LRP2: variants seen among roughly 807,000 people sequenced by gnomAD.
The protein encoded by LRP2 is LDL receptor related protein 2.
LRP2 carries 172 observed loss-of-function variants against 531.0 expected under a neutral mutation model. The observed-to-expected ratio is 0.32, with a 90% CI of 0.29 to 0.37. The LOEUF (loss-of-function observed/expected upper bound fraction) is 0.37. LRP2 is among the 10% of genes least tolerant of loss of function. The pLI, the probability that LRP2 is intolerant of heterozygous loss-of-function variation, is 1.00. For missense variants in LRP2, 5,167 were observed against 5,868.3 expected (o/e 0.88, Z 3.90); for synonymous variants, 1,992 against 2,027.6 (o/e 0.98, Z 0.47).
At chr2:169,159,126 G>T (rs577201815) in intron 63 of LRP2, among the ~76,000 whole-genome samples, 2 of 152,244 alleles carry the variant, frequency 1.3e-5, no homozygotes, top group East Asian at 3.9e-4. Flanking sequence ...TAGATAGTGA[G>T]TGATAATGGG....
At chr2:169,351,529 A>C (rs922562847) in intron 1 of LRP2, among the ~76,000 whole-genome samples, 1 of 152,222 alleles carries the variant, frequency 6.6e-6, no homozygotes, top group African/African-American at 2.4e-5. Flanking sequence ...TATAAGACGA[A>C]GTTCAAATGA....
intron 1 of LRP2, among the ~76,000 whole-genome samples, chr2:169,347,115 C>T (rs1685715305): frequency 6.6e-6 from 1 of 152,216 alleles, no homozygotes; most frequent in African/African-American, 2.4e-5. Flanking sequence ...AGCTTTGTGT[C>T]TCCTTCTCTC....
At chr2:169,133,910 G>C (rs1216020392) in intron 76 of LRP2, among the ~76,000 whole-genome samples, 5 of 152,162 alleles carry the variant, frequency 3.3e-5, no homozygotes, top group Admixed American at 2.6e-4. Flanking sequence ...CTGCTGCAAA[G>C]CTTCACAGAC....
intron 50 of LRP2, 28 bp downstream of exon 50, chr2:169,185,473 CTT>C: frequency 6.2e-7 from 1 of 1,608,514 alleles, no homozygotes; most frequent in Non-Finnish European, 8.5e-7. Context: ...TAATTTTTAA[CTT>C]TTAAAAAGCT....
chr2:169,326,641 G>A (rs1232823771), intron 1 of LRP2, among the ~76,000 whole-genome samples: 4 of 152,060 alleles, frequency 2.6e-5, no homozygotes, highest in Non-Finnish European at 5.9e-5. Context: ...CCACCACCCC[G>A]TCTGGGAAGT....
At chr2:169,221,686 G>A (rs72876240) in intron 33 of LRP2, among the ~76,000 whole-genome samples, 7 of 151,194 alleles carry the variant, frequency 4.6e-5, no homozygotes, top group East Asian at 1.9e-4. Context: ...GCATTCACAC[G>A]CACACATACA....
chr2:169,220,393 G>C, intron 34 of LRP2, 61 bp downstream of exon 34: 4 of 1,235,828 alleles, frequency 3.2e-6, no homozygotes, highest in Non-Finnish European at 4.8e-6. Context: ...CATTTTGTCA[G>C]ACCCTGACAT....
chr2:169,160,685 A>AAAAAAAAAAAAAAAAAACAAAAAC (rs970862922), intron 63 of LRP2, among the ~76,000 whole-genome samples: 1 of 94,234 alleles, frequency 1.1e-5, no homozygotes, highest in Non-Finnish European at 2.2e-5. Flanking sequence ...ATTTCCTTAA[A>AAAAAAAAAAAAAAAAAACAAAAAC]AAAAAAAAAA....
chr2:169,294,413 CA>C lies in LRP2; in HGVS notation c.539-153del, dbSNP rs1249382963. The stretch of plus-strand genomic sequence containing the variant: ...TGTTTAAGAACCAGTTATCCAGGAA[CA>C]AAAAGGCCCTGGTTTGTAGTGTTTG... On this transcript the variant is annotated intron_variant, in intron 5 of 78. Coordinates refer to ENST00000649046, the MANE Select transcript of LRP2 (RefSeq NM_004525.3). 1.8e-5 allele frequency: 14 copies of C among 759,024 alleles called. No individual in the cohort carries two copies. In the Admixed American group the frequency reaches 2.0e-4, roughly 11 times the overall value. 47.0% of individuals were successfully genotyped at this position (759,024 alleles called of 1,614,324 possible).
chr2:169,206,318 G>C lies in LRP2; in HGVS notation c.7390+12C>G, dbSNP rs776777231. 1.2e-6 allele frequency: 2 copies of C among 1,613,040 alleles called. No homozygotes were observed. Among genetic ancestry groups the C allele is most frequent in the Admixed American group, 1.7e-5 (1 of 59,940 alleles). On this transcript the variant is annotated intron_variant, in intron 39 of 78. Coordinates refer to ENST00000649046, the MANE Select transcript of LRP2 (RefSeq NM_004525.3). ...CTACTTGCAGGACAAGCAGCACCTG[G>C]AGTGCACTTACCTGAAGCAATGACA...
chr2:169,147,800 C>G (rs926256508), intron 68 of LRP2, among the ~76,000 whole-genome samples: 2 of 152,108 alleles, frequency 1.3e-5, no homozygotes, highest in African/African-American at 4.8e-5. Context: ...TCAAGTGATG[C>G]GGAGAGCAAG....
At chr2:169,235,483 C>T (rs1314775200) in intron 29 of LRP2, among the ~76,000 whole-genome samples, 1 of 152,164 alleles carries the variant, frequency 6.6e-6, no homozygotes, top group Non-Finnish European at 1.5e-5. Flanking sequence ...AGATGATCCA[C>T]CCACCTCGGC....
chr2:169,344,637 C>T (rs1327803711), intron 1 of LRP2, among the ~76,000 whole-genome samples: 2 of 152,086 alleles, frequency 1.3e-5, no homozygotes, highest in Non-Finnish European at 2.9e-5. Flanking sequence ...AAGAGCCAAA[C>T]CCTGTTTCAT....
At chr2:169,172,266 A>G in intron 57 of LRP2, 132 bp from the exon 58 acceptor site, 1 of 1,018,678 alleles carries the variant, frequency 9.8e-7, no homozygotes, top group South Asian at 1.4e-5. Flanking sequence ...GAGGAATGCC[A>G]GCAACATTCA....
intron 1 of LRP2, among the ~76,000 whole-genome samples, chr2:169,358,098 T>A (rs1686039944): frequency 6.6e-6 from 1 of 152,196 alleles, no homozygotes; most frequent in South Asian, 2.1e-4. Flanking sequence ...ACCCATCCAA[T>A]TGTTTTTAAG....
Position 169,175,333 on chromosome 2 carries a change from T to C in LRP2, c.10628A>G (p.Asp3543Gly). ...DGQKDCSDGS[D>G]ELALCPQRFC... ...GCGCTGCGGGCAAAGGGCCAGTTCATCAGAGCCATCTGAGCAGTCTTTCTG... is the reference window on the plus strand; with the variant it reads ...GCGCTGCGGGCAAAGGGCCAGTTCACCAGAGCCATCTGAGCAGTCTTTCTG... Residue 3543 changes from aspartate (D) to glycine (G), a missense_variant, in exon 55 of 79, where the codon GAT (aspartate) becomes GGT (glycine). By Grantham distance (94) the Asp-to-Gly change is moderately conservative (BLOSUM62 -1). This residue lies in a region of LRP2 where 311 missense variants were observed against 309.4 expected (regional missense o/e 1.01). Coordinates refer to ENST00000649046, the MANE Select transcript of LRP2 (RefSeq NM_004525.3). 1.2e-6 allele frequency: 2 copies of C among 1,614,188 alleles called. No individual in the cohort carries two copies. Among genetic ancestry groups the C allele is most frequent in the Non-Finnish European group, 1.7e-6 (2 of 1,180,034 alleles).
At chr2:169,302,743 G>T (rs199970345) in intron 4 of LRP2, among the ~76,000 whole-genome samples, 2 of 148,002 alleles carry the variant, frequency 1.4e-5, no homozygotes, top group East Asian at 2.0e-4. Flanking sequence ...AGTGACCTGG[G>T]TTTTTTTTTT....
chr2:169,279,334 TA>T (rs1683637889), intron 12 of LRP2, 37 bp downstream of exon 12: 6 of 1,498,414 alleles, frequency 4.0e-6, no homozygotes, highest in Non-Finnish European at 5.6e-6. Context: ...GAGAAAATTC[TA>T]AAAATACAGG....
chr2:169,240,620 C>A, intron 25 of LRP2: 1 of 419,622 alleles, frequency 2.4e-6, no homozygotes, highest in Non-Finnish European at 4.3e-6. Flanking sequence ...AATCCCTGGA[C>A]TTCATTTTTT....
Sources: gnomAD v4.1 joint callset for allele counts (sites outside exome capture counted in the v4.1 genomes callset) on GRCh38, gnomAD v4.1.1 for gene constraint, gnomAD v4.1.1 regional missense constraint, MANE v1.5 for transcripts, NCBI Gene and HGNC (gene_info 2026-07-23, HGNC 2026-07-21) for gene names.